Variants in NSRP1 observed in about 807,000 individuals in gnomAD.
NSRP1 encodes the protein coiled-coil domain containing 55.
In NSRP1, 24 loss-of-function variants were observed where a neutral mutation model predicts 54.7. The ratio of observed to expected loss-of-function variants is 0.44; its 90% CI spans 0.32 to 0.62. The LOEUF (loss-of-function observed/expected upper bound fraction) is 0.62, where lower values mean the gene tolerates loss of function less well. NSRP1 is among the 20% of genes least tolerant of loss of function. The pLI is 0.06. For synonymous variants in NSRP1, 210 were observed against 213.8 expected, an observed-to-expected ratio of 0.98 and a Z score of 0.15; for missense variants, 596 against 651.2, an observed-to-expected ratio of 0.92 and a Z score of 0.92.
intron 2 of NSRP1, among the ~76,000 whole-genome samples, chr17:30,170,951 CT>C (rs1904909642): frequency 6.6e-6 from 1 of 152,076 alleles, no homozygotes; most frequent in South Asian, 2.1e-4. Context: ...TATTTTTTGA[CT>C]TTTTTAGAAT....
chr17:30,185,301 G>T lies in NSRP1; in HGVS notation c.1304G>T (p.Arg435Ile). Residue 435 changes from arginine to isoleucine, a missense_variant, in exon 7 of 7, where the codon AGA becomes ATA. Arg to Ile is a moderately conservative substitution (Grantham distance 97, BLOSUM62 -3). Transcript: ENST00000247026. ...KERYENNDKY[R>I]DREKREVGVQ... ...AGATATGAAAATAATGATAAATACA[G>T]AGATAGAGAAAAACGAGAGGTAGGT... 2 of 1,605,456 alleles carry T rather than the reference G, an allele frequency of 1.2e-6. No individual in the cohort carries two copies. The highest frequency in any genetic ancestry group is 1.7e-6 in the Non-Finnish European group (2 of 1,177,816).
Position 30,164,425 on chromosome 17 carries a change from AT to A in NSRP1, c.115-8109del, listed in dbSNP as rs1052737661. Reference sequence around the variant, plus strand: ...TTTGAACCTATTTGTTTATAAGTTGATTTTTTTTCCTTCGAGATAAAGTGCC... The same window carrying A: ...TTTGAACCTATTTGTTTATAAGTTGATTTTTTTCCTTCGAGATAAAGTGCC... On this transcript the variant is annotated intron_variant, in intron 2 of 6. Transcript: ENST00000247026. Among the ~76,000 whole-genome samples the A allele has an allele frequency of 4.3e-4, 65 of 152,136 alleles. 1 individual carries two copies. The highest frequency in any genetic ancestry group is 1.4e-3 in the Admixed American group (22 of 15,262).
intron 2 of NSRP1, among the ~76,000 whole-genome samples, chr17:30,157,452 G>A (rs533830897): frequency 2.6e-5 from 4 of 152,054 alleles, no homozygotes; most frequent in Non-Finnish European, 5.9e-5. Flanking sequence ...TTATATGTTG[G>A]TATCATTTCA....
At chr17:30,149,880 A>G (rs2071890091) in intron 2 of NSRP1, among the ~76,000 whole-genome samples, 1 of 151,360 alleles carries the variant, frequency 6.6e-6, no homozygotes, top group East Asian at 1.9e-4. Context: ...GGTTTTTAGT[A>G]TATTCACAGA....
chr17:30,175,497 G>A (rs1174898039), intron 3 of NSRP1, among the ~76,000 whole-genome samples: 2 of 151,846 alleles, frequency 1.3e-5, no homozygotes, highest in African/African-American at 4.8e-5. Flanking sequence ...GCAGCGGCAC[G>A]ATCTCAGCTC....
chr17:30,117,872 C>G (rs2071556901), intron 1 of NSRP1: 1 of 424,380 alleles, frequency 2.4e-6, no homozygotes. Flanking sequence ...TGGCCCGTGT[C>G]CACAAATGAT....
intron 2 of NSRP1, among the ~76,000 whole-genome samples, chr17:30,123,329 G>T (rs2071621060): frequency 6.6e-6 from 1 of 152,038 alleles, no homozygotes; most frequent in Admixed American, 6.6e-5. Context: ...TGTTGGCCAG[G>T]CTGGTCTCGA....
chr17:30,151,582 G>A (rs529515492), intron 2 of NSRP1, among the ~76,000 whole-genome samples: 55 of 152,010 alleles, frequency 3.6e-4, no homozygotes, highest in Non-Finnish European at 6.8e-4. Context: ...TGAGCTAGCC[G>A]AGGAGAAGGA....
At chr17:30,166,924 TCAAA>T (rs1904750640) in intron 2 of NSRP1, among the ~76,000 whole-genome samples, 1 of 152,130 alleles carries the variant, frequency 6.6e-6, no homozygotes, top group South Asian at 2.1e-4. Context: ...AGACTCCATC[TCAAA>T]CAAACAAAAA....
intron 2 of NSRP1, among the ~76,000 whole-genome samples, chr17:30,133,109 ATT>A (rs558445432): frequency 0.4 from 43,769 of 110,270 alleles, 8,119 homozygotes; most frequent in East Asian, 0.76. Flanking sequence ...ACACCCAGCT[ATT>A]TTTTTTTTTT....
At chr17:30,177,541 A>G (rs1305874285) in intron 3 of NSRP1, among the ~76,000 whole-genome samples, 1 of 152,154 alleles carries the variant, frequency 6.6e-6, no homozygotes, top group Admixed American at 6.5e-5. Flanking sequence ...GGAGAAAAAA[A>G]CATCATTTGA....
chr17:30,136,866 A>T (rs1253649122), intron 2 of NSRP1, among the ~76,000 whole-genome samples: 1 of 152,140 alleles, frequency 6.6e-6, no homozygotes, highest in Non-Finnish European at 1.5e-5. Context: ...ACACACACAC[A>T]TTTGTACATA....
intron 2 of NSRP1, among the ~76,000 whole-genome samples, chr17:30,124,812 T>C (rs2071636069): frequency 6.6e-6 from 1 of 152,234 alleles, no homozygotes; most frequent in South Asian, 2.1e-4. Flanking sequence ...AAACCATTCC[T>C]TAGAATAATT....
In NSRP1 at chr17:30,174,398, G is replaced by A. The variant is rs186221649; in HGVS notation, c.171+1800G>A. On this transcript the variant is annotated intron_variant, in intron 3 of 6. Transcript: ENST00000247026. ...GCTCATCGAATGTCTTTATCCATAC[G>A]AATTGAAATTATTTTTCATTTTACT... 2.6e-4 allele frequency among the ~76,000 whole-genome samples: 40 copies of A among 152,160 alleles called. No homozygotes were observed. In the East Asian group the frequency reaches 3.9e-3, roughly 15 times the overall value.
intron 2 of NSRP1, among the ~76,000 whole-genome samples, chr17:30,152,383 G>A (rs977010338): frequency 8.7e-5 from 13 of 149,826 alleles, no homozygotes; most frequent in Non-Finnish European, 1.6e-4. Flanking sequence ...CTCCCAAAGT[G>A]CTAGGATTAC....
intron 2 of NSRP1, among the ~76,000 whole-genome samples, chr17:30,140,265 T>C (rs1486696498): frequency 6.6e-6 from 1 of 152,188 alleles, no homozygotes; most frequent in Admixed American, 6.5e-5. Flanking sequence ...AAATGGGTTA[T>C]TTTATAGTGA....
chr17:30,118,445 C>T (rs1472264116), intron 2 of NSRP1, among the ~76,000 whole-genome samples: 1 of 151,994 alleles, frequency 6.6e-6, no homozygotes, highest in Non-Finnish European at 1.5e-5. Context: ...TGTAAAGATC[C>T]CTAGGTATGA....
intron 6 of NSRP1, 118 bp from the exon 7 acceptor site, chr17:30,184,497 A>AT (rs1392688334): frequency 2.3e-6 from 3 of 1,297,284 alleles, no homozygotes; most frequent in Non-Finnish European, 3.1e-6. Context: ...CAGACAGTAT[A>AT]TATCACTATA....
intron 3 of NSRP1, among the ~76,000 whole-genome samples, chr17:30,174,641 A>C (rs1905067108): frequency 6.6e-6 from 1 of 152,308 alleles, no homozygotes; most frequent in South Asian, 2.1e-4. Flanking sequence ...TTTGTTGCTA[A>C]TCTAAGGAAA....
Sources: gnomAD v4.1 joint callset for allele counts (sites outside exome capture counted in the v4.1 genomes callset) on GRCh38, gnomAD v4.1.1 for gene constraint, MANE v1.5 for transcripts, NCBI Gene and HGNC (gene_info 2026-07-23, HGNC 2026-07-21) for gene names.